The following ABCA5 variants were observed in gnomAD, a reference collection of about 807,000 sequenced individuals.
The protein encoded by ABCA5 is cholesterol transporter ABCA5.
ABCA5 carries 163 observed loss-of-function variants against 206.0 expected under a neutral mutation model. The ratio of observed to expected loss-of-function variants is 0.79; its 90% CI spans 0.70 to 0.90. The LOEUF (loss-of-function observed/expected upper bound fraction) is 0.90, where lower values mean the gene tolerates loss of function less well. Among genes scored for constraint, ABCA5 ranks in the 40% least tolerant of loss-of-function variants. The pLI, the probability that ABCA5 is intolerant of heterozygous loss-of-function variation, is 0.00. For missense variants in ABCA5, 1,859 were observed against 1,912.9 expected (o/e 0.97, Z 0.53); for synonymous variants, 609 against 613.8 (o/e 0.99, Z 0.11).
At chr17:69,291,743 A>C (rs1308811779) in intron 11 of ABCA5, among the ~76,000 whole-genome samples, 5 of 152,206 alleles carry the variant, frequency 3.3e-5, no homozygotes, top group South Asian at 2.1e-4. Context: ...AAGCAATATC[A>C]CTGAATGGAT....
chr17:69,295,501 A>C (rs988137550), intron 10 of ABCA5, among the ~76,000 whole-genome samples: 1 of 152,202 alleles, frequency 6.6e-6, no homozygotes, highest in South Asian at 2.1e-4. Flanking sequence ...TATGCTTGGA[A>C]CACACAAGCT....
intron 1 of ABCA5, among the ~76,000 whole-genome samples, chr17:69,322,089 C>A (rs966654228): frequency 4.6e-5 from 7 of 151,992 alleles, no homozygotes; most frequent in Non-Finnish European, 8.8e-5. Context: ...CTGGTTACTA[C>A]GGCCAGGCAC....
In ABCA5 at chr17:69,304,520, C is replaced by A. The variant is rs2075696092; in HGVS notation, c.930+149G>T. 10 of 623,026 alleles carry A rather than the reference C, an allele frequency of 1.6e-5. No homozygotes were observed. The South Asian group carries it at 2.7e-4, about 17-fold the overall frequency. The allele number at this position is 623,026 out of a possible 1,614,324, so 38.6% of individuals were successfully genotyped here. On this transcript the variant is annotated intron_variant, in intron 7 of 38. Transcript: ENST00000392676. ...CTAAAAATACAGGAATACAGTGATGCCACATCATTTATTTATTAAGTCACT... is the reference window on the plus strand; with the variant it reads ...CTAAAAATACAGGAATACAGTGATGACACATCATTTATTTATTAAGTCACT...
intron 22 of ABCA5, among the ~76,000 whole-genome samples, chr17:69,268,341 A>G (rs2075234773): frequency 6.6e-6 from 1 of 152,128 alleles, no homozygotes; most frequent in Admixed American, 6.6e-5. Context: ...AGGCATATAA[A>G]TTACGCTTCA....
At position 69,253,679 on chromosome 17, in the gene ABCA5, G is replaced by A; in HGVS notation, c.4321-12C>T. The A allele has an allele frequency of 4.4e-6, 7 of 1,608,426 alleles. No homozygotes were observed. The highest frequency in any genetic ancestry group is 6.0e-6 in the Non-Finnish European group (7 of 1,175,286). ...AGAGCAAAACACAACTACATGGAAA[G>A]AAAAAGATGGGTGGGAAATTAACAA... On this transcript the variant is annotated splice_polypyrimidine_tract_variant and intron_variant, in intron 33 of 38. Transcript: ENST00000392676.
Position 69,302,911 on chromosome 17 carries a change from A to G in ABCA5, c.931-5T>C, listed in dbSNP as rs1362587894. Reference sequence around the variant, plus strand: ...CAGCATTAAAGCAAAAAATACCTATAAAATACAAATATTAAGGTTAGTGCA... The same window carrying G: ...CAGCATTAAAGCAAAAAATACCTATGAAATACAAATATTAAGGTTAGTGCA... On this transcript the variant is annotated splice_polypyrimidine_tract_variant and splice_region_variant and intron_variant, in intron 7 of 38. Coordinates refer to ENST00000392676, the MANE Select transcript of ABCA5 (RefSeq NM_172232.4). 6.9e-7 allele frequency: 1 copy of G among 1,455,628 alleles called. No individual in the cohort carries two copies. Among genetic ancestry groups the G allele is most frequent in the Non-Finnish European group, 9.2e-7 (1 of 1,086,916 alleles). 90.2% of individuals were successfully genotyped at this position (1,455,628 alleles called of 1,614,324 possible).
intron 1 of ABCA5, among the ~76,000 whole-genome samples, chr17:69,322,176 C>T (rs1255953687): frequency 2.0e-5 from 3 of 151,766 alleles, no homozygotes; most frequent in African/African-American, 7.3e-5. Flanking sequence ...CAGAAACTAT[C>T]CCGGCCAACA....
intron 1 of ABCA5, among the ~76,000 whole-genome samples, chr17:69,323,248 T>G (rs114042311): frequency 6.6e-6 from 1 of 152,204 alleles, no homozygotes; most frequent in African/African-American, 2.4e-5. Context: ...CTTTGACCAT[T>G]ACATCCTTAA....
At chr17:69,279,659 A>G (rs1186770032) in intron 18 of ABCA5, among the ~76,000 whole-genome samples, 1 of 152,178 alleles carries the variant, frequency 6.6e-6, no homozygotes, top group Non-Finnish European at 1.5e-5. Flanking sequence ...TAACCAAAAC[A>G]GCATGGTACT....
At position 69,271,245 on chromosome 17, in the gene ABCA5, T is replaced by C. The variant is rs1456089484; in HGVS notation, c.2809A>G (p.Ile937Val). Reference sequence around the variant, plus strand: ...CTGTCATTAATCATCGTCACCATTATGTTCTGGCTTGTGAAAAAGCTAATA... The same window carrying C: ...CTGTCATTAATCATCGTCACCATTACGTTCTGGCTTGTGAAAAAGCTAATA... ...DLISFFTSQN[I>V]MVTMINDSDY... Residue 937 changes from isoleucine to valine, a missense_variant, in exon 21 of 39, where the codon ATA becomes GTA. Physicochemically the swap from Ile to Val is conservative, Grantham distance 29. Coordinates refer to ENST00000392676, the MANE Select transcript of ABCA5 (RefSeq NM_172232.4). 10 of 1,613,346 alleles carry C rather than the reference T, an allele frequency of 6.2e-6. No homozygotes were observed. Among genetic ancestry groups the C allele is most frequent in the Middle Eastern group, 3.3e-4 (2 of 6,060 alleles).
chr17:69,257,738 T>C (rs1236525352), intron 28 of ABCA5, among the ~76,000 whole-genome samples: 1 of 150,752 alleles, frequency 6.6e-6, no homozygotes, highest in East Asian at 1.9e-4. Flanking sequence ...AAATACACTA[T>C]TGAGATCTAG....
intron 11 of ABCA5, among the ~76,000 whole-genome samples, chr17:69,293,974 C>A (rs1219464749): frequency 1.3e-5 from 2 of 151,686 alleles, no homozygotes; most frequent in African/African-American, 4.8e-5. Flanking sequence ...CAGTTCTTCA[C>A]AACAAAGAAT....
intron 18 of ABCA5, among the ~76,000 whole-genome samples, chr17:69,279,677 A>C (rs2075370827): frequency 6.6e-6 from 1 of 152,142 alleles, no homozygotes; most frequent in South Asian, 2.1e-4. Flanking sequence ...ACTGGTACCA[A>C]AACAGAGATA....
In ABCA5 at chr17:69,302,774, A is replaced by G. The variant is rs757637122; in HGVS notation, c.1063T>C (p.Leu355=). ...CAGAAAGGACTGAAAAGCCACACTA[A>G]CGATTTGGGAAAACTTTCTATGAGG... ...IILIESFPKS[L]VWLFSPFCHC... is the part of the protein sequence containing the mutation. The change falls in exon 8 of 39, where the codon TTA becomes CTA. Residue 355 remains leucine (L), a synonymous_variant. Transcript: ENST00000392676. 7.5e-6 allele frequency: 12 copies of G among 1,599,944 alleles called. No individual in the cohort carries two copies. The highest frequency in any genetic ancestry group is 1.0e-5 in the Non-Finnish European group (12 of 1,176,492).
intron 8 of ABCA5, among the ~76,000 whole-genome samples, chr17:69,301,685 A>T (rs2075653822): frequency 6.6e-6 from 1 of 152,220 alleles, no homozygotes; most frequent in Admixed American, 6.5e-5. Context: ...AAATTAGGTT[A>T]GCATCTTTCC....
At position 69,267,979 on chromosome 17, in the gene ABCA5, T is replaced by C. The variant is rs775179007; in HGVS notation, c.3108A>G (p.Pro1036=). 9.3e-6 allele frequency: 15 copies of C among 1,611,070 alleles called. No individual in the cohort carries two copies. In the South Asian group the frequency reaches 1.1e-4, roughly 12 times the overall value. Residue 1036 remains proline, a synonymous_variant, in exon 23 of 39, where the codon CCA becomes CCG. Transcript: ENST00000392676. Reference sequence around the variant, plus strand: ...CTGCATTTTCCATGGCAAAGTAAGGTGGCATTGCAGTAACAATGATTCCAA... The same window carrying C: ...CTGCATTTTCCATGGCAAAGTAAGGCGGCATTGCAGTAACAATGATTCCAA... ...ALLGIIVTAM[P]PYFAMENAEN... is the part of the protein sequence containing the mutation.
At chr17:69,296,560 A>G (rs1028284627) in intron 10 of ABCA5, among the ~76,000 whole-genome samples, 8 of 152,342 alleles carry the variant, frequency 5.3e-5, no homozygotes, top group Non-Finnish European at 1.2e-4. Context: ...AGCATGAACA[A>G]AATTATATAG....
chr17:69,309,156 A>G (rs557122814), intron 4 of ABCA5, 106 bp downstream of exon 4: 1 of 837,504 alleles, frequency 1.2e-6, no homozygotes, highest in South Asian at 2.9e-5. Context: ...ACAAGTAAGA[A>G]TAGTTGAAAA....
At chr17:69,257,412 T>G (rs1191517333) in intron 28 of ABCA5, among the ~76,000 whole-genome samples, 1 of 151,096 alleles carries the variant, frequency 6.6e-6, no homozygotes, top group Admixed American at 6.6e-5. Context: ...TATTAAAGCC[T>G]GCAGATTAGT....
Sources: allele counts gnomAD v4.1 joint callset (sites outside exome capture counted in the v4.1 genomes callset), GRCh38; gene constraint gnomAD v4.1.1; transcripts MANE v1.5; gene names NCBI Gene and HGNC (gene_info 2026-07-23, HGNC 2026-07-21).